Variants in RELL1 observed in about 807,000 individuals in gnomAD.
RELL1 encodes the protein RELT-like protein 1.
Under a neutral mutation model 23.0 loss-of-function variants are expected in RELL1, and 10 were observed. That is an observed-to-expected ratio of 0.43 (90% confidence interval 0.27 to 0.74). The LOEUF is 0.74. Among genes scored for constraint, RELL1 ranks in the 30% least tolerant of loss-of-function variants. RELL1 has a pLI of 0.19. For synonymous variants in RELL1, 146 were observed against 146.8 expected, an observed-to-expected ratio of 0.99 and a Z score of 0.04; for missense variants, 315 against 364.4, an observed-to-expected ratio of 0.86 and a Z score of 1.10.
intron 6 of RELL1, among the ~76,000 whole-genome samples, chr4:37,621,909 C>G (rs2109244901): frequency 6.6e-6 from 1 of 152,320 alleles, no homozygotes; most frequent in Middle Eastern, 3.4e-3. Flanking sequence ...CTCCTGTGCA[C>G]AGAACAAGGC....
chr4:37,633,323 C>T (rs747920577), intron 5 of RELL1, among the ~76,000 whole-genome samples: 5 of 143,736 alleles, frequency 3.5e-5, no homozygotes, highest in Non-Finnish European at 7.5e-5. Context: ...GCACGACAAT[C>T]GTTTGAGCCC....
intron 6 of RELL1, among the ~76,000 whole-genome samples, chr4:37,597,477 T>C (rs1027757614): frequency 6.6e-6 from 1 of 152,202 alleles, no homozygotes; most frequent in Non-Finnish European, 1.5e-5. Context: ...TAGGTCCAAC[T>C]CATTCTTTTC....
chr4:37,628,031 T>G (rs547384444), intron 6 of RELL1, among the ~76,000 whole-genome samples: 20 of 152,296 alleles, frequency 1.3e-4, no homozygotes, highest in East Asian at 3.9e-4. Context: ...ATACTTTTTT[T>G]GGGGGGATGA....
At chr4:37,668,930 C>T (rs1433491494) in intron 1 of RELL1, among the ~76,000 whole-genome samples, 1 of 151,660 alleles carries the variant, frequency 6.6e-6, no homozygotes. Flanking sequence ...TGAGGAGACC[C>T]TCTGCCTGGC....
At chr4:37,638,299 C>A in intron 4 of RELL1, 148 bp downstream of exon 4, 1 of 669,690 alleles carries the variant, frequency 1.5e-6, no homozygotes. Context: ...CAGGACAGTT[C>A]CGCACAGCAA....
At chr4:37,594,208 T>C (rs1042172257) in intron 6 of RELL1, among the ~76,000 whole-genome samples, 4 of 152,214 alleles carry the variant, frequency 2.6e-5, no homozygotes, top group African/African-American at 9.6e-5. Context: ...ATCTTTAGGT[T>C]GAAAAGTAAT....
At chr4:37,605,759 T>G (rs1159401062), downstream of RELL1, among the ~76,000 whole-genome samples, 2 of 61,772 alleles carry the variant, frequency 3.2e-5, no homozygotes. Context: ...AGAAAAAGAA[T>G]AAAGAAAGAG....
chr4:37,621,446 A>G (rs906861165), intron 6 of RELL1, among the ~76,000 whole-genome samples: 5 of 151,938 alleles, frequency 3.3e-5, no homozygotes, highest in African/African-American at 1.2e-4. Context: ...ACAGAGCAAG[A>G]CTCCATCTCA....
At chr4:37,638,332 A>C (rs1472881612) in intron 4 of RELL1, 115 bp downstream of exon 4, 1 of 783,672 alleles carries the variant, frequency 1.3e-6, no homozygotes, top group African/African-American at 1.7e-5. Context: ...TCCCAAAATA[A>C]CTATAGTGTT....
At chr4:37,638,382 T>A (rs1419877459) in intron 4 of RELL1, 65 bp downstream of exon 4, 1 of 1,253,608 alleles carries the variant, frequency 8.0e-7, no homozygotes, top group Non-Finnish European at 1.1e-6. Flanking sequence ...GCATTTCAGA[T>A]GGCGCCATAT....
At chr4:37,678,482 A>G (rs58353351) in intron 1 of RELL1, among the ~76,000 whole-genome samples, 5,872 of 152,252 alleles carry the variant, frequency 0.039, 163 homozygotes, top group African/African-American at 0.078. Flanking sequence ...CAAGCCCATC[A>G]GACCCTACTC....
At chr4:37,652,152 A>G (rs1281197220) in intron 1 of RELL1, among the ~76,000 whole-genome samples, 2 of 152,230 alleles carry the variant, frequency 1.3e-5, no homozygotes, top group African/African-American at 4.8e-5. Flanking sequence ...AACAATATCA[A>G]ACAGAAGCTT....
downstream of RELL1, among the ~76,000 whole-genome samples, chr4:37,609,078 G>T (rs1044832919): frequency 6.6e-6 from 1 of 152,200 alleles, no homozygotes; most frequent in Admixed American, 6.5e-5. Flanking sequence ...AAACAGATTT[G>T]GAAGGAGATG....
At chr4:37,671,096 A>C (rs1419021738) in intron 1 of RELL1, among the ~76,000 whole-genome samples, 1 of 152,090 alleles carries the variant, frequency 6.6e-6, no homozygotes, top group East Asian at 1.9e-4. Flanking sequence ...TTTAGTGCAG[A>C]CTCCACAGGT....
chr4:37,591,241 C>T, intron 6 of RELL1: 1 of 411,630 alleles, frequency 2.4e-6, no homozygotes, highest in Non-Finnish European at 4.4e-6. Context: ...CTGAGTGGGT[C>T]ATTGTGCCCA....
intron 6 of RELL1, among the ~76,000 whole-genome samples, chr4:37,625,640 CCT>C (rs924360531): frequency 5.9e-5 from 9 of 152,112 alleles, no homozygotes; most frequent in Non-Finnish European, 1.3e-4. Flanking sequence ...TGAGCAAAAA[CCT>C]CTTTCAGGAA....
intron 6 of RELL1, among the ~76,000 whole-genome samples, chr4:37,603,954 G>T (rs1296822742): frequency 6.6e-6 from 1 of 152,186 alleles, no homozygotes; most frequent in Non-Finnish European, 1.5e-5. Context: ...AAGTAGCTGG[G>T]ACTGCAGGCA....
chr4:37,607,799 A>C (rs1449852741), downstream of RELL1, among the ~76,000 whole-genome samples: 2 of 152,044 alleles, frequency 1.3e-5, no homozygotes, highest in Non-Finnish European at 2.9e-5. Context: ...CATGGTGGCC[A>C]GGATGGTCTC....
intron 1 of RELL1, among the ~76,000 whole-genome samples, chr4:37,679,792 T>C (rs1013614711): frequency 6.6e-6 from 1 of 151,906 alleles, no homozygotes; most frequent in Admixed American, 6.6e-5. Flanking sequence ...CCATCTCTAC[T>C]AAAAATACAA....
Sources: allele counts gnomAD v4.1 joint callset (sites outside exome capture counted in the v4.1 genomes callset), GRCh38; gene constraint gnomAD v4.1.1; transcripts MANE v1.5; gene names NCBI Gene and HGNC (gene_info 2026-07-23, HGNC 2026-07-21).